Variants in SIN3A observed in about 807,000 individuals in gnomAD.
SIN3A encodes paired amphipathic helix protein Sin3a.
A neutral mutation model predicts 146.1 loss-of-function variants in SIN3A; 14 were observed. That is an observed-to-expected ratio of 0.10 (90% CI 0.06 to 0.15). The LOEUF (loss-of-function observed/expected upper bound fraction) is 0.15, where lower values mean the gene tolerates loss of function less well. Ranked by LOEUF, SIN3A falls within the 10% of genes least tolerant of loss-of-function variation. The pLI, the probability that SIN3A is intolerant of heterozygous loss-of-function variation, is 1.00. For synonymous variants in SIN3A, 572 were observed against 572.0 expected, an observed-to-expected ratio of 1.00 and a Z score of 0.00; for missense variants, 1,028 against 1,576.0, an observed-to-expected ratio of 0.65 and a Z score of 5.89.
At chr15:75,404,731 G>T (rs376463050) in intron 9 of SIN3A, among the ~76,000 whole-genome samples, 23 of 151,166 alleles carry the variant, frequency 1.5e-4, no homozygotes, top group African/African-American at 5.6e-4. Flanking sequence ...TTGTACCCCA[G>T]CCTCAGCAAT....
chr15:75,455,753 G>T (rs952045644), upstream of SIN3A: 1 of 152,162 alleles, frequency 6.6e-6, no homozygotes, highest in Non-Finnish European at 1.5e-5. Flanking sequence ...GCCTGAGATT[G>T]GGGGGACCAA....
At chr15:75,384,488 A>G (rs1239978304) in intron 16 of SIN3A, 51 bp from the exon 17 acceptor site, 2 of 1,212,046 alleles carry the variant, frequency 1.7e-6, no homozygotes, top group African/African-American at 3.6e-5. Flanking sequence ...ACATTTCTCC[A>G]TTATACAGTC....
intron 1 of SIN3A, among the ~76,000 whole-genome samples, chr15:75,450,875 CGGGGTGCAGGGG>C (rs1347742109): frequency 6.6e-6 from 1 of 151,934 alleles, no homozygotes; most frequent in Non-Finnish European, 1.5e-5. Context: ...GGGGCCTGGG[CGGGGTGCAGGGG>C]GGGACGGCCA....
intron 16 of SIN3A, among the ~76,000 whole-genome samples, chr15:75,387,892 A>C (rs895906294): frequency 1.3e-5 from 2 of 152,190 alleles, no homozygotes; most frequent in African/African-American, 4.8e-5. Context: ...GATTTCTGCC[A>C]GTTACCATCC....
chr15:75,404,462 A>G (rs2141467369), intron 9 of SIN3A, among the ~76,000 whole-genome samples: 1 of 152,314 alleles, frequency 6.6e-6, no homozygotes, highest in Middle Eastern at 3.4e-3. Flanking sequence ...AAAAGTACTA[A>G]GAAAATGCCA....
At chr15:75,375,392 G>A (rs1019010757) in intron 20 of SIN3A, among the ~76,000 whole-genome samples, 2 of 152,164 alleles carry the variant, frequency 1.3e-5, no homozygotes, top group African/African-American at 2.4e-5. Flanking sequence ...GAGAGGCCTA[G>A]AAGAGATTGT....
intron 16 of SIN3A, among the ~76,000 whole-genome samples, chr15:75,387,561 T>TAA (rs33945328): frequency 1.1e-4 from 13 of 113,122 alleles, no homozygotes; most frequent in Admixed American, 3.0e-4. Flanking sequence ...CTGTTTCCAT[T>TAA]AAAAAAAAAA....
chr15:75,410,020 G>A (rs886714645), intron 7 of SIN3A, 29 bp from the exon 8 acceptor site: 1 of 1,611,576 alleles, frequency 6.2e-7, no homozygotes, highest in Non-Finnish European at 8.5e-7. Context: ...TGAGATTAAT[G>A]CTCTTATCAA....
chr15:75,432,475 T>C (rs2074028635), intron 1 of SIN3A, among the ~76,000 whole-genome samples: 1 of 151,230 alleles, frequency 6.6e-6, no homozygotes, highest in Admixed American at 6.6e-5. Context: ...TCACCTAAGG[T>C]CGGGAGTTTG....
Position 75,409,200 on chromosome 15 carries a change from T to C in SIN3A, c.1317+636A>G, listed in dbSNP as rs1371017299. Reference sequence around the variant, plus strand: ...GCCTGGGCGACAGAGCAAGACTCCATCTCAAAAAAAAAAGAAGGGAAAAAA... The same window carrying C: ...GCCTGGGCGACAGAGCAAGACTCCACCTCAAAAAAAAAAGAAGGGAAAAAA... On this transcript the variant is annotated intron_variant, in intron 8 of 20. Coordinates refer to ENST00000394947, the MANE Select transcript of SIN3A (RefSeq NM_001145358.2). Among the ~76,000 whole-genome samples the C allele has an allele frequency of 4.0e-5, 6 of 149,904 alleles. No individual in the cohort carries two copies. In the East Asian group the frequency reaches 1.2e-3, roughly 30 times the overall value.
chr15:75,403,308 T>C (rs1339942779), intron 9 of SIN3A, among the ~76,000 whole-genome samples: 1 of 151,564 alleles, frequency 6.6e-6, no homozygotes, highest in East Asian at 2.0e-4. Flanking sequence ...TGGGCACCTG[T>C]AGTCCCAGTG....
chr15:75,445,780 AAG>A (rs2074297413), intron 1 of SIN3A, among the ~76,000 whole-genome samples: 1 of 151,842 alleles, frequency 6.6e-6, no homozygotes, highest in Non-Finnish European at 1.5e-5. Flanking sequence ...AAAAAAAAGA[AAG>A]AAAGAAAAGA....
At chr15:75,397,673 C>T (rs995761709) in intron 12 of SIN3A, among the ~76,000 whole-genome samples, 1 of 152,184 alleles carries the variant, frequency 6.6e-6, no homozygotes, top group Non-Finnish European at 1.5e-5. Context: ...ATTGGTAACG[C>T]ACATTCCTTC....
intron 3 of SIN3A, chr15:75,420,241 A>G (rs1425651300): frequency 6.6e-6 from 1 of 152,174 alleles, no homozygotes; most frequent in East Asian, 1.9e-4. Context: ...GCTGACATTC[A>G]ATAACTAAAT....
rs1406872177 is a variant in SIN3A, at chr15:75,451,207, C to A, written c.-34+216G>T. The stretch of plus-strand genomic sequence containing the variant: ...GAGCGGCGGCGCGAGAGCCCGCCCC[C>A]CTCCGCGCGCACCGGGACTACGCTC... On this transcript the variant is annotated intron_variant, in intron 1 of 20. Transcript: ENST00000394947. Among the ~76,000 whole-genome samples, 17 of 145,422 alleles carry A rather than the reference C, an allele frequency of 1.2e-4. No individual in the cohort carries two copies. In the East Asian group the frequency reaches 2.8e-3, roughly 24 times the overall value.
intron 9 of SIN3A, among the ~76,000 whole-genome samples, chr15:75,406,775 T>C (rs1205107022): frequency 6.6e-6 from 1 of 152,190 alleles, no homozygotes; most frequent in Non-Finnish European, 1.5e-5. Context: ...ATATCTACAA[T>C]GGGAGCTCCA....
chr15:75,386,373 T>C (rs762861481), intron 16 of SIN3A, among the ~76,000 whole-genome samples: 4 of 152,196 alleles, frequency 2.6e-5, no homozygotes, highest in Non-Finnish European at 5.9e-5. Context: ...TCCCCACCCA[T>C]ACTCTCTTTT....
chr15:75,398,539 G>A (rs941039877), intron 12 of SIN3A, among the ~76,000 whole-genome samples: 2 of 152,124 alleles, frequency 1.3e-5, no homozygotes, highest in Middle Eastern at 3.2e-3. Flanking sequence ...TTAGCCGGGT[G>A]TAGCGGCATA....
At chr15:75,406,073 C>G (rs1595903771) in intron 9 of SIN3A, among the ~76,000 whole-genome samples, 1 of 152,172 alleles carries the variant, frequency 6.6e-6, no homozygotes, top group African/African-American at 2.4e-5. Context: ...ATCATCTGCC[C>G]TTCTGCAAAA....
Sources: allele counts gnomAD v4.1 joint callset (sites outside exome capture counted in the v4.1 genomes callset), GRCh38; gene constraint gnomAD v4.1.1; transcripts MANE v1.5; gene names NCBI Gene and HGNC (gene_info 2026-07-23, HGNC 2026-07-21).